The following FBN2 variants were observed in gnomAD, a reference collection of about 807,000 sequenced individuals.
FBN2 encodes the protein fibrillin 2.
In FBN2, 105 loss-of-function variants were observed where a neutral mutation model predicts 355.6. That is an observed-to-expected ratio of 0.30 (90% CI 0.25 to 0.35). The LOEUF (loss-of-function observed/expected upper bound fraction) is 0.35, where lower values mean the gene tolerates loss of function less well. FBN2 is among the 10% of genes least tolerant of loss of function. The probability of loss-of-function intolerance (pLI) is 1.00; values close to 1 mark genes in which losing one functional copy is unlikely to be tolerated. For synonymous variants in FBN2, 1,350 were observed against 1,301.2 expected (o/e 1.04, Z -0.81); for missense variants, 3,280 against 3,758.7 (o/e 0.87, Z 3.33).
intron 36 of FBN2, among the ~76,000 whole-genome samples, chr5:128,313,750 G>C (rs1750121940): frequency 1.3e-5 from 2 of 151,414 alleles, no homozygotes; most frequent in South Asian, 4.2e-4. Flanking sequence ...CTACTAGGGT[G>C]GCTGAGGCAG....
intron 25 of FBN2, among the ~76,000 whole-genome samples, chr5:128,339,843 C>T (rs1471925523): frequency 6.6e-6 from 1 of 152,152 alleles, no homozygotes; most frequent in Non-Finnish European, 1.5e-5. Context: ...GACGGACCAA[C>T]CCTGAGCCAG....
At chr5:128,326,188 A>G (rs1398839653) in intron 34 of FBN2, among the ~76,000 whole-genome samples, 2 of 152,194 alleles carry the variant, frequency 1.3e-5, no homozygotes, top group Non-Finnish European at 2.9e-5. Context: ...CAGTTTAAAT[A>G]ACATCTCTTG....
intron 20 of FBN2, among the ~76,000 whole-genome samples, chr5:128,354,380 G>A (rs980290707): frequency 1.3e-5 from 2 of 152,192 alleles, no homozygotes; most frequent in African/African-American, 2.4e-5. Context: ...AAGATCATGA[G>A]GGGAGCACAG....
At chr5:128,456,079 T>C (rs1432544818) in intron 6 of FBN2, among the ~76,000 whole-genome samples, 1 of 143,516 alleles carries the variant, frequency 7.0e-6, no homozygotes, top group Non-Finnish European at 1.5e-5. Context: ...CATCCATTTC[T>C]ATAGCTCCCG....
intron 7 of FBN2, among the ~76,000 whole-genome samples, chr5:128,410,817 G>T (rs1374910934): frequency 6.6e-6 from 1 of 152,130 alleles, no homozygotes. Flanking sequence ...CCTTACAGTT[G>T]AGTAGGAACC....
intron 5 of FBN2, among the ~76,000 whole-genome samples, chr5:128,488,463 T>C (rs1372443622): frequency 6.6e-6 from 1 of 152,190 alleles, no homozygotes; most frequent in Non-Finnish European, 1.5e-5. Context: ...CCAGTTCTTT[T>C]TTTTCTGTGC....
At chr5:128,378,741 A>G (rs1561426966) in intron 12 of FBN2, 30 bp downstream of exon 12, 3 of 1,612,014 alleles carry the variant, frequency 1.9e-6, no homozygotes, top group Non-Finnish European at 2.5e-6. Context: ...TTCATGGAAC[A>G]TTTTCATATG....
chr5:128,362,663 C>T (rs1751668360), intron 18 of FBN2, among the ~76,000 whole-genome samples: 1 of 152,146 alleles, frequency 6.6e-6, no homozygotes, highest in Non-Finnish European at 1.5e-5. Flanking sequence ...TGGGATCTCA[C>T]TATGTTGCCC....
chr5:128,486,705 G>A (rs893349260), intron 5 of FBN2, among the ~76,000 whole-genome samples: 4 of 152,010 alleles, frequency 2.6e-5, no homozygotes, highest in African/African-American at 9.7e-5. Context: ...CATGTGCCAT[G>A]TTGGTTTGCT....
At chr5:128,420,958 G>A (rs1222047534) in intron 7 of FBN2, among the ~76,000 whole-genome samples, 3 of 152,166 alleles carry the variant, frequency 2.0e-5, no homozygotes, top group Admixed American at 1.3e-4. Flanking sequence ...TATAGTTATT[G>A]ATTGATAAAG....
intron 5 of FBN2, among the ~76,000 whole-genome samples, chr5:128,497,646 T>C (rs138859154): frequency 6.6e-6 from 1 of 152,282 alleles, no homozygotes; most frequent in African/African-American, 2.4e-5. Context: ...AAAGTGTTTT[T>C]AAAAGGGGGT....
chr5:128,408,782 T>C lies in FBN2; in HGVS notation c.970A>G (p.Ile324Val), dbSNP rs774022360. 3.1e-6 allele frequency: 5 copies of C among 1,613,998 alleles called. No homozygotes were observed. The highest frequency in any genetic ancestry group is 1.1e-5 in the South Asian group (1 of 91,078). ...QKCEDIDECS[I>V]IPGICETGEC... ...CCAGTTTCACATATCCCAGGAATGA[T>C]GCTGCACTCATCAATGTCTAATCAA... is the stretch of plus-strand genomic sequence containing the variant. Residue 324 changes from isoleucine (I) to valine (V), a missense_variant, in exon 8 of 65, where the codon ATC becomes GTC. Physicochemically the swap from Ile to Val is conservative, Grantham distance 29. Transcript: ENST00000262464.
At chr5:128,353,340 G>A (rs1228561907) in intron 20 of FBN2, among the ~76,000 whole-genome samples, 1 of 152,114 alleles carries the variant, frequency 6.6e-6, no homozygotes, top group Non-Finnish European at 1.5e-5. Context: ...CCAAGACAGA[G>A]GTTGAAACAA....
intron 36 of FBN2, among the ~76,000 whole-genome samples, chr5:128,315,735 G>T (rs1750183372): frequency 6.6e-6 from 1 of 152,150 alleles, no homozygotes. Context: ...ATGAAAATAT[G>T]AAAGAATCCA....
Position 128,395,169 on chromosome 5 carries a change from C to G in FBN2, c.1184G>C (p.Cys395Ser). Residue 395 changes from cysteine (C) to serine (S), a missense_variant, in exon 9 of 65, where the codon TGC (cysteine) becomes TCC (serine). By Grantham distance (112) the Cys-to-Ser change is moderately radical. Transcript: ENST00000262464. ...TTCAGGAATGGTTCCGATGCCCCAG[C>G]AGCGGCCAGGCTCACAGCAGCACTG... ...KMQCCCEPGR[C>S]WGIGTIPEAC... is the part of the protein sequence containing the mutation. The G allele has an allele frequency of 6.2e-7, 1 of 1,614,172 alleles. No homozygotes were observed. Among genetic ancestry groups the G allele is most frequent in the African/African-American group, 1.3e-5 (1 of 75,054 alleles).
intron 11 of FBN2, among the ~76,000 whole-genome samples, chr5:128,389,545 G>A (rs1752456037): frequency 6.6e-6 from 1 of 152,168 alleles, no homozygotes; most frequent in South Asian, 2.1e-4. Flanking sequence ...CTCTGTCCAG[G>A]TCCAACAGTC....
intron 5 of FBN2, among the ~76,000 whole-genome samples, chr5:128,471,746 T>A (rs1172509484): frequency 6.6e-6 from 1 of 152,132 alleles, no homozygotes; most frequent in African/African-American, 2.4e-5. Context: ...GTTATGATGA[T>A]TGTCATTAGG....
chr5:128,353,942 C>T (rs776670397), intron 20 of FBN2, among the ~76,000 whole-genome samples: 203 of 152,260 alleles, frequency 1.3e-3, no homozygotes, highest in Admixed American at 5.5e-3. Flanking sequence ...CCCGCACCCC[C>T]CTACAGGCTC....
chr5:128,477,673 AT>A (rs2127102791), intron 5 of FBN2, among the ~76,000 whole-genome samples: 1 of 152,330 alleles, frequency 6.6e-6, no homozygotes, highest in East Asian at 1.9e-4. Context: ...GACAGGTTAA[AT>A]AAAATTGTTC....
Sources: allele counts gnomAD v4.1 joint callset (sites outside exome capture counted in the v4.1 genomes callset), GRCh38; gene constraint gnomAD v4.1.1; transcripts MANE v1.5; gene names NCBI Gene and HGNC (gene_info 2026-07-23, HGNC 2026-07-21).